GPC5: variants seen among roughly 807,000 people sequenced by gnomAD.
GPC5 encodes glypican 5, also known as glypican-5.
A neutral mutation model predicts 53.9 loss-of-function variants in GPC5; 47 were observed. That is an observed-to-expected ratio of 0.87 (90% CI 0.69 to 1.11). GPC5 has a LOEUF of 1.11. Among genes scored for constraint, GPC5 ranks in the 50% most tolerant of loss-of-function variants. The pLI, the probability that GPC5 is intolerant of heterozygous loss-of-function variation, is 0.00. For missense variants in GPC5, 748 were observed against 713.1 expected, an observed-to-expected ratio of 1.05 and a Z score of -0.56; for synonymous variants, 286 against 263.3, an observed-to-expected ratio of 1.09 and a Z score of -0.84.
At chr13:92,215,481 T>C (rs2042403294) in intron 7 of GPC5, among the ~76,000 whole-genome samples, 1 of 152,190 alleles carries the variant, frequency 6.6e-6, no homozygotes, top group African/African-American at 2.4e-5. Flanking sequence ...TGGCTTGTCT[T>C]TCATAAGTGT....
intron 7 of GPC5, among the ~76,000 whole-genome samples, chr13:92,755,705 T>C (rs1381141511): frequency 7.3e-6 from 1 of 137,784 alleles, no homozygotes; most frequent in Non-Finnish European, 1.6e-5. Context: ...CAAACACCTC[T>C]ACGCAAATAA....
intron 7 of GPC5, among the ~76,000 whole-genome samples, chr13:92,346,601 C>G (rs546733603): frequency 6.6e-6 from 1 of 152,030 alleles, no homozygotes; most frequent in Non-Finnish European, 1.5e-5. Flanking sequence ...AAGAGGAGGC[C>G]GTCTCCTCAA....
chr13:91,835,739 TG>T (rs1355758739), intron 5 of GPC5, among the ~76,000 whole-genome samples: 3 of 129,320 alleles, frequency 2.3e-5, no homozygotes, highest in Non-Finnish European at 4.9e-5. Context: ...TGTCGGGGGT[TG>T]GGGGGTGAGG....
intron 2 of GPC5, among the ~76,000 whole-genome samples, chr13:91,535,471 A>G (rs1270095896): frequency 6.6e-6 from 1 of 152,178 alleles, no homozygotes; most frequent in Non-Finnish European, 1.5e-5. Context: ...ACAATTCTGC[A>G]TATGCCTTCA....
intron 6 of GPC5, among the ~76,000 whole-genome samples, chr13:91,983,786 G>T (rs1358222493): frequency 2.0e-5 from 3 of 152,096 alleles, no homozygotes; most frequent in African/African-American, 4.8e-5. Flanking sequence ...GATGATCTGA[G>T]GGGCTGCCAT....
chr13:92,465,811 T>C (rs940884178), intron 7 of GPC5, among the ~76,000 whole-genome samples: 1 of 151,996 alleles, frequency 6.6e-6, no homozygotes, highest in Non-Finnish European at 1.5e-5. Flanking sequence ...CATTAAAAAG[T>C]TCTATTGTCT....
intron 7 of GPC5, among the ~76,000 whole-genome samples, chr13:92,233,913 G>T (rs912596745): frequency 6.6e-6 from 1 of 152,112 alleles, no homozygotes; most frequent in Admixed American, 6.5e-5. Context: ...CTGGTGTTTG[G>T]TTTTTTGTCC....
intron 7 of GPC5, among the ~76,000 whole-genome samples, chr13:92,656,850 C>A (rs184841403): frequency 3.7e-4 from 57 of 152,260 alleles, no homozygotes; most frequent in Non-Finnish European, 7.2e-4. Context: ...GCTACTCTTA[C>A]GAGTCTGAGG....
chr13:91,891,796 A>T (rs1448097789), intron 5 of GPC5, among the ~76,000 whole-genome samples: 1 of 152,054 alleles, frequency 6.6e-6, no homozygotes, highest in African/African-American at 2.4e-5. Context: ...TGAATTCATC[A>T]GTTTCTTCAT....
intron 7 of GPC5, among the ~76,000 whole-genome samples, chr13:92,747,607 C>T (rs943590799): frequency 2.0e-5 from 3 of 152,122 alleles, no homozygotes; most frequent in Admixed American, 1.3e-4. Flanking sequence ...GACAAATTGC[C>T]TCCACATTAG....
At chr13:91,427,842 T>C (rs1035723686) in intron 1 of GPC5, among the ~76,000 whole-genome samples, 1 of 152,118 alleles carries the variant, frequency 6.6e-6, no homozygotes, top group Non-Finnish European at 1.5e-5. Context: ...TGGGGGCTGT[T>C]TCCCCCATGC....
chr13:91,950,837 G>A, intron 6 of GPC5, among the ~76,000 whole-genome samples: 1 of 152,196 alleles, frequency 6.6e-6, no homozygotes. Flanking sequence ...TGACATTGGG[G>A]CACAAAGAGG....
At chr13:92,825,590 A>G (rs913005) in intron 7 of GPC5, among the ~76,000 whole-genome samples, 94,948 of 151,874 alleles carry the variant, frequency 0.63, 30,426 homozygotes, top group East Asian at 0.8. Context: ...GGTATCAACT[A>G]CAGCCTTAAT....
At chr13:92,313,004 A>G (rs1181725773) in intron 7 of GPC5, among the ~76,000 whole-genome samples, 1 of 152,142 alleles carries the variant, frequency 6.6e-6, no homozygotes, top group Non-Finnish European at 1.5e-5. Context: ...TTAATGTGTA[A>G]TTCACATATT....
intron 6 of GPC5, among the ~76,000 whole-genome samples, chr13:92,020,272 G>A (rs1177958790): frequency 6.6e-6 from 1 of 152,006 alleles, no homozygotes; most frequent in Non-Finnish European, 1.5e-5. Flanking sequence ...AATTCCATCT[G>A]CAACTTTTAT....
intron 7 of GPC5, among the ~76,000 whole-genome samples, chr13:92,575,725 G>T (rs1277996255): frequency 6.6e-6 from 1 of 152,034 alleles, no homozygotes; most frequent in South Asian, 2.1e-4. Context: ...ATCTCATTTT[G>T]TTTCTCTTGA....
intron 7 of GPC5, among the ~76,000 whole-genome samples, chr13:92,614,847 T>G (rs1433980807): frequency 2.0e-5 from 3 of 152,188 alleles, no homozygotes; most frequent in Non-Finnish European, 2.9e-5. Context: ...CTTGACCTAT[T>G]CAAAAAGCAA....
rs570532519 is a variant in GPC5 at position 92,404,598 on chromosome 13, G to T, written c.1561+259609G>T. Among the ~76,000 whole-genome samples, 31 of 131,236 alleles carry T rather than the reference G, an allele frequency of 2.4e-4. 1 individual carries two copies. The highest frequency in any genetic ancestry group is 1.1e-3 in the Admixed American group (14 of 12,484). The allele number at this position is 131,236 out of a possible 152,430, so 86.1% of individuals were successfully genotyped here. On this transcript the variant is annotated intron_variant, in intron 7 of 7. Transcript: ENST00000377067. ...AAATTAAGACCTTGAACAAATATTCGGTTAATAAATAATCATTCACAGCAA... is the reference window on the plus strand; with the variant it reads ...AAATTAAGACCTTGAACAAATATTCTGTTAATAAATAATCATTCACAGCAA...
intron 6 of GPC5, among the ~76,000 whole-genome samples, chr13:91,966,496 G>T (rs1227878247): frequency 6.6e-6 from 1 of 152,152 alleles, no homozygotes; most frequent in Non-Finnish European, 1.5e-5. Context: ...CAAAAGATGT[G>T]CAGACAGAGA....
Sources: allele counts gnomAD v4.1 joint callset (sites outside exome capture counted in the v4.1 genomes callset), GRCh38; gene constraint gnomAD v4.1.1; transcripts MANE v1.5; gene names NCBI Gene and HGNC (gene_info 2026-07-23, HGNC 2026-07-21).